The following KIAA1671 variants were observed in gnomAD, a reference collection of about 807,000 sequenced individuals.
KIAA1671 encodes the protein uncharacterized protein KIAA1671.
In KIAA1671, 52 loss-of-function variants were observed where a neutral mutation model predicts 131.2. The ratio of observed to expected loss-of-function variants is 0.40; its 90% CI spans 0.32 to 0.50. The LOEUF (loss-of-function observed/expected upper bound fraction) is 0.50, where lower values mean the gene tolerates loss of function less well. Ranked by LOEUF, KIAA1671 falls within the 20% of genes least tolerant of loss-of-function variation. The pLI is 0.73. For synonymous variants in KIAA1671, 1,003 were observed against 961.6 expected, an observed-to-expected ratio of 1.04 and a Z score of -0.80; for missense variants, 2,360 against 2,364.2, an observed-to-expected ratio of 1.00 and a Z score of 0.04.
chr22:24,994,877 C>G (rs1048113420), intron 1 of KIAA1671, among the ~76,000 whole-genome samples: 1 of 151,912 alleles, frequency 6.6e-6, no homozygotes, highest in African/African-American at 2.4e-5. Context: ...TCTTTGCTTC[C>G]TTGCATCTTT....
rs8138891 is a variant in KIAA1671, at chr22:25,093,754, C to T, written c.4530+44390C>T. Among the ~76,000 whole-genome samples the T allele has an allele frequency of 6.7e-3, 668 of 100,282 alleles. 3 individuals carry two copies. Among genetic ancestry groups the T allele is most frequent in the East Asian group, 0.025 (78 of 3,142 alleles). 65.8% of individuals were successfully genotyped at this position (100,282 alleles called of 152,430 possible). A position where few individuals can be genotyped will look rare whatever the true frequency, so the allele number is the denominator to read the frequency against. On this transcript the variant is annotated intron_variant, in intron 6 of 12. Coordinates refer to ENST00000358431, the MANE Select transcript of KIAA1671 (RefSeq NM_001145206.2). Reference sequence around the variant, plus strand: ...ACACACACACTCTCTCTCTCTCTCTCTCTCTCTCTCTCTGTCTCTCTCTCT... The same window carrying T: ...ACACACACACTCTCTCTCTCTCTCTTTCTCTCTCTCTCTGTCTCTCTCTCT...
chr22:24,979,414 A>C (rs1923109502), intron 1 of KIAA1671, among the ~76,000 whole-genome samples: 1 of 148,140 alleles, frequency 6.8e-6, no homozygotes, highest in Admixed American at 6.8e-5. Context: ...CAGTGCGGCT[A>C]TCTCAGCTCA....
At chr22:25,168,877 G>A (rs1222470365) in intron 6 of KIAA1671, among the ~76,000 whole-genome samples, 1 of 152,114 alleles carries the variant, frequency 6.6e-6, no homozygotes. Flanking sequence ...TTTGGAGCAA[G>A]GGTAGGGGAT....
intron 6 of KIAA1671, among the ~76,000 whole-genome samples, chr22:25,115,741 A>G (rs556783473): frequency 6.6e-6 from 1 of 152,272 alleles, no homozygotes; most frequent in South Asian, 2.1e-4. Flanking sequence ...GCATGTCTTC[A>G]TTAATTCACT....
chr22:25,003,962 C>T (rs1049114231), intron 1 of KIAA1671, among the ~76,000 whole-genome samples: 6 of 150,668 alleles, frequency 4.0e-5, no homozygotes, highest in South Asian at 4.2e-4. Flanking sequence ...GGATTACAGG[C>T]GCGCGCCACC....
chr22:24,977,144 AT>A (rs1321518111), intron 1 of KIAA1671, among the ~76,000 whole-genome samples: 1 of 152,122 alleles, frequency 6.6e-6, no homozygotes, highest in Non-Finnish European at 1.5e-5. Context: ...TGTTATTATG[AT>A]TACTGTCAAT....
At chr22:25,178,174 C>T (rs1218023417) in intron 9 of KIAA1671, among the ~76,000 whole-genome samples, 2 of 152,196 alleles carry the variant, frequency 1.3e-5, no homozygotes, top group Admixed American at 6.5e-5. Flanking sequence ...CCACCGCCGT[C>T]CTCCAGCTGA....
At position 25,039,403 on chromosome 22, in the gene KIAA1671, C is replaced by T. The variant is rs1017859726; in HGVS notation, c.2273C>T (p.Thr758Met). 30 of 1,551,784 alleles carry T rather than the reference C, an allele frequency of 1.9e-5. No individual in the cohort carries two copies. Among genetic ancestry groups the T allele is most frequent in the Middle Eastern group, 1.7e-4 (1 of 5,992 alleles). ...ISPAPEEKAV[T>M]LRSLRSWLSL... ...CCGGCACCGGAGGAGAAAGCGGTCA[C>T]GCTCCGCAGCCTCAGGTCTTGGCTC... The change falls in exon 5 of 13, where the codon ACG (threonine) becomes ATG (methionine). Residue 758 changes from threonine to methionine, a missense_variant. By Grantham distance (81) the Thr-to-Met change is moderately conservative (BLOSUM62 -1). Transcript: ENST00000358431.
At chr22:24,954,931 C>T (rs1921614186) in intron 1 of KIAA1671, among the ~76,000 whole-genome samples, 2 of 152,290 alleles carry the variant, frequency 1.3e-5, no homozygotes, top group East Asian at 1.9e-4. Context: ...CAGATGCCCG[C>T]CACTCTGCCC....
At chr22:25,172,611 G>A (rs187845242) in intron 7 of KIAA1671, among the ~76,000 whole-genome samples, 3 of 152,320 alleles carry the variant, frequency 2.0e-5, no homozygotes, top group African/African-American at 7.2e-5. Context: ...TTCTCAAGGC[G>A]AGGGTTTCCC....
intron 6 of KIAA1671, among the ~76,000 whole-genome samples, chr22:25,100,172 G>C (rs1930591508): frequency 6.6e-6 from 1 of 152,222 alleles, no homozygotes; most frequent in African/African-American, 2.4e-5. Flanking sequence ...GCAGAGCCTG[G>C]CTCTTCCTCT....
chr22:25,189,944 T>C (rs1042826442), intron 11 of KIAA1671, among the ~76,000 whole-genome samples: 1 of 152,152 alleles, frequency 6.6e-6, no homozygotes, highest in Non-Finnish European at 1.5e-5. Context: ...GTTTATCTCA[T>C]AGAACAGATA....
chr22:25,047,324 T>C (rs1927299828), intron 5 of KIAA1671, among the ~76,000 whole-genome samples: 2 of 151,816 alleles, frequency 1.3e-5, no homozygotes, highest in African/African-American at 2.4e-5. Flanking sequence ...CTGATTTTTA[T>C]ATTTTTAGTA....
At position 25,028,094 on chromosome 22, in the gene KIAA1671, A is replaced by T. The variant is rs1405244355; in HGVS notation, c.95A>T (p.Tyr32Phe). 1 of 1,551,100 alleles carries T rather than the reference A, an allele frequency of 6.4e-7. No homozygotes were observed. The highest frequency in any genetic ancestry group is 8.7e-7 in the Non-Finnish European group (1 of 1,146,774). The change falls in exon 3 of 13, where the codon TAC (tyrosine) becomes TTC (phenylalanine). Residue 32 changes from tyrosine (Y) to phenylalanine (F), a missense_variant. Coordinates refer to ENST00000358431, the MANE Select transcript of KIAA1671 (RefSeq NM_001145206.2). ...AAGGAGGAGACCCTGACGAGGACCTACTTCCTCCAGGCCGGCGAAGCCTCT... is the reference window on the plus strand; with the variant it reads ...AAGGAGGAGACCCTGACGAGGACCTTCTTCCTCCAGGCCGGCGAAGCCTCT... Reference protein sequence around the residue: ...MGKEETLTRTYFLQAGEASGA... With the variant: ...MGKEETLTRTFFLQAGEASGA...
At chr22:25,105,820 G>GC (rs1555879101) in intron 6 of KIAA1671, among the ~76,000 whole-genome samples, 3 of 5,860 alleles carry the variant, frequency 5.1e-4, no homozygotes, top group East Asian at 0.042. Flanking sequence ...GTATGAAGTT[G>GC]GGGGGGGGGG....
intron 1 of KIAA1671, among the ~76,000 whole-genome samples, chr22:24,973,002 C>T (rs111969263): frequency 1.2e-4 from 19 of 152,180 alleles, no homozygotes; most frequent in African/African-American, 3.4e-4. Context: ...GAAGAGCCCA[C>T]GGGGAGAGTG....
intron 1 of KIAA1671, among the ~76,000 whole-genome samples, chr22:24,953,613 C>T (rs1921537100): frequency 6.6e-6 from 1 of 152,120 alleles, no homozygotes; most frequent in East Asian, 2.0e-4. Context: ...CACCCGGGCT[C>T]ACGGGTGGGG....
intron 4 of KIAA1671, among the ~76,000 whole-genome samples, chr22:25,037,570 G>A (rs897528982): frequency 3.3e-5 from 5 of 151,930 alleles, no homozygotes; most frequent in African/African-American, 1.2e-4. Context: ...CATTAAGGAC[G>A]TTTTCAGTAT....
At chr22:25,178,573 C>A (rs1214944331) in intron 9 of KIAA1671, among the ~76,000 whole-genome samples, 1 of 152,256 alleles carries the variant, frequency 6.6e-6, no homozygotes, top group Non-Finnish European at 1.5e-5. Context: ...AACTCTTGCA[C>A]TTCTGAGTGG....
Sources: gnomAD v4.1 joint callset for allele counts (sites outside exome capture counted in the v4.1 genomes callset) on GRCh38, gnomAD v4.1.1 for gene constraint, MANE v1.5 for transcripts, NCBI Gene and HGNC (gene_info 2026-07-23, HGNC 2026-07-21) for gene names.